The following NR3C2 variants were observed in gnomAD, a reference collection of about 807,000 sequenced individuals.
NR3C2 encodes nuclear receptor subfamily 3 group C member 2.
A neutral mutation model predicts 86.4 loss-of-function variants in NR3C2; 15 were observed. The observed-to-expected ratio is 0.17, with a 90% CI of 0.12 to 0.27. The LOEUF is 0.27. NR3C2 is among the 10% of genes least tolerant of loss of function. The pLI is 1.00. For synonymous variants in NR3C2, 458 were observed against 450.5 expected (o/e 1.02, Z -0.21); for missense variants, 960 against 1,195.6 (o/e 0.80, Z 2.91).
rs1175816621 is a variant in NR3C2 at position 148,134,643 on chromosome 4, C to CTTTTTTTTTT, written c.2511-14365_2511-14356dup. On this transcript the variant is annotated intron_variant, in intron 6 of 8. Transcript: ENST00000358102. ...CCTGTGATTCTCTCTCTCTCTCTCT[C>CTTTTTTTTTT]TTTTTTTTTTTTTTTTTTTTTTTTA... 1.2e-4 allele frequency among the ~76,000 whole-genome samples: 5 copies of CTTTTTTTTTT among 40,810 alleles called. 1 individual carries two copies. Among genetic ancestry groups the CTTTTTTTTTT allele is most frequent in the East Asian group, 1.6e-3 (1 of 630 alleles). The allele number at this position is 40,810 out of a possible 152,430, so 26.8% of individuals were successfully genotyped here. A position where few individuals can be genotyped will look rare whatever the true frequency, so the allele number is the denominator to read the frequency against.
intron 3 of NR3C2, among the ~76,000 whole-genome samples, chr4:148,234,403 G>C (rs536121073): frequency 6.6e-6 from 1 of 152,242 alleles, no homozygotes; most frequent in African/African-American, 2.4e-5. Flanking sequence ...TGGGGGCAGT[G>C]GCTCAAGCCT....
intron 7 of NR3C2, among the ~76,000 whole-genome samples, chr4:148,115,799 AT>A (rs1335349896): frequency 1.3e-4 from 20 of 152,356 alleles, no homozygotes; most frequent in Admixed American, 3.3e-4. Context: ...AACTGCACAA[AT>A]TCCTGAGGCT....
intron 6 of NR3C2, among the ~76,000 whole-genome samples, chr4:148,122,469 C>T (rs992416068): frequency 1.3e-5 from 2 of 152,132 alleles, no homozygotes; most frequent in East Asian, 1.9e-4. Context: ...ATTAAGAAAT[C>T]GGAGAGTCTC....
At chr4:148,290,957 T>G (rs1431828728) in intron 2 of NR3C2, among the ~76,000 whole-genome samples, 1 of 152,136 alleles carries the variant, frequency 6.6e-6, no homozygotes, top group African/African-American at 2.4e-5. Flanking sequence ...GCAAACAAAT[T>G]AATTATCTGT....
intron 2 of NR3C2, among the ~76,000 whole-genome samples, chr4:148,409,887 G>A (rs937620326): frequency 4.0e-5 from 6 of 151,622 alleles, no homozygotes; most frequent in Admixed American, 1.3e-4. Flanking sequence ...ATTTCTCTTC[G>A]CTAAAAATTC....
chr4:148,245,217 C>T (rs1173446799), intron 3 of NR3C2, among the ~76,000 whole-genome samples: 1 of 152,124 alleles, frequency 6.6e-6, no homozygotes, highest in Non-Finnish European at 1.5e-5. Context: ...TATTTAATGT[C>T]TACAATGTGC....
At chr4:148,092,082 TCAGA>T (rs1167843929) in intron 8 of NR3C2, among the ~76,000 whole-genome samples, 3 of 152,188 alleles carry the variant, frequency 2.0e-5, no homozygotes, top group Admixed American at 6.5e-5. Flanking sequence ...AGCAATTTCC[TCAGA>T]CACTCACTTG....
At chr4:148,166,774 C>T (rs1734898343) in intron 4 of NR3C2, among the ~76,000 whole-genome samples, 1 of 150,762 alleles carries the variant, frequency 6.6e-6, no homozygotes, top group African/African-American at 2.4e-5. Context: ...CGAGATTGAA[C>T]AATAGACTTG....
chr4:148,089,360 TC>T (rs1440935901), intron 8 of NR3C2, among the ~76,000 whole-genome samples: 1 of 152,218 alleles, frequency 6.6e-6, no homozygotes, highest in African/African-American at 2.4e-5. Flanking sequence ...TGCCGCAGTT[TC>T]CTCATCTGTA....
intron 2 of NR3C2, among the ~76,000 whole-genome samples, chr4:148,274,416 T>C (rs968715855): frequency 6.6e-5 from 10 of 152,116 alleles, no homozygotes; most frequent in African/African-American, 1.9e-4. Context: ...GTAATCCTCA[T>C]AGGTTGAGGG....
chr4:148,088,288 A>G (rs558998674), intron 8 of NR3C2, among the ~76,000 whole-genome samples: 1 of 152,340 alleles, frequency 6.6e-6, no homozygotes, highest in African/African-American at 2.4e-5. Context: ...TAGTTCAAGC[A>G]TTGTGGAAGA....
At chr4:148,352,830 C>T (rs1355155209) in intron 2 of NR3C2, among the ~76,000 whole-genome samples, 2 of 152,086 alleles carry the variant, frequency 1.3e-5, no homozygotes, top group Admixed American at 6.6e-5. Flanking sequence ...CCACTAAACT[C>T]ACAAAGCAAA....
chr4:148,359,964 T>G (rs868208465), intron 2 of NR3C2, among the ~76,000 whole-genome samples: 2 of 152,044 alleles, frequency 1.3e-5, no homozygotes, highest in African/African-American at 4.8e-5. Flanking sequence ...TGGTGCATAG[T>G]GGTGGAGGAG....
At chr4:148,314,918 A>G (rs1410241556) in intron 2 of NR3C2, among the ~76,000 whole-genome samples, 1 of 152,226 alleles carries the variant, frequency 6.6e-6, no homozygotes, top group Non-Finnish European at 1.5e-5. Flanking sequence ...CATGAACATG[A>G]TGCAAAATCC....
chr4:148,124,597 A>T (rs950086879), intron 6 of NR3C2, among the ~76,000 whole-genome samples: 8 of 152,222 alleles, frequency 5.3e-5, no homozygotes, highest in Admixed American at 1.3e-4. Context: ...TCAGGACTCA[A>T]TGTCCTTATT....
intron 4 of NR3C2, among the ~76,000 whole-genome samples, chr4:148,189,279 C>T (rs1379823877): frequency 1.3e-5 from 2 of 152,126 alleles, no homozygotes; most frequent in Non-Finnish European, 2.9e-5. Flanking sequence ...GCATTTTTTG[C>T]ATCTATTGAG....
At chr4:148,151,067 G>A (rs1010623519) in intron 6 of NR3C2, among the ~76,000 whole-genome samples, 1 of 152,136 alleles carries the variant, frequency 6.6e-6, no homozygotes, top group Non-Finnish European at 1.5e-5. Flanking sequence ...AGTATTGGAT[G>A]TGGATAGTGG....
At chr4:148,283,210 A>C (rs1198516884) in intron 2 of NR3C2, among the ~76,000 whole-genome samples, 1 of 152,228 alleles carries the variant, frequency 6.6e-6, no homozygotes, top group East Asian at 1.9e-4. Context: ...ACCTTGCCTA[A>C]GAGTGGGGTC....
intron 2 of NR3C2, among the ~76,000 whole-genome samples, chr4:148,396,432 C>A (rs566283223): frequency 2.6e-5 from 4 of 152,306 alleles, no homozygotes; most frequent in Admixed American, 2.6e-4. Flanking sequence ...TTACCATCAA[C>A]TTTTTATAAC....
Sources: gnomAD v4.1 joint callset for allele counts (sites outside exome capture counted in the v4.1 genomes callset) on GRCh38, gnomAD v4.1.1 for gene constraint, MANE v1.5 for transcripts, NCBI Gene and HGNC (gene_info 2026-07-23, HGNC 2026-07-21) for gene names.